Variants in DTNA observed in about 807,000 individuals in gnomAD.
The protein encoded by DTNA is dystrophin-related protein 3.
DTNA carries 43 observed loss-of-function variants against 100.7 expected under a neutral mutation model. The observed-to-expected ratio is 0.43, with a 90% CI of 0.33 to 0.55. The LOEUF (loss-of-function observed/expected upper bound fraction) is 0.55. DTNA is among the 20% of genes least tolerant of loss of function. The pLI is 0.04. For missense variants in DTNA, 798 were observed against 953.9 expected (o/e 0.84, Z 2.15); for synonymous variants, 349 against 347.9 (o/e 1.00, Z -0.04).
At chr18:34,803,304 A>G (rs1463663041) in intron 4 of DTNA, among the ~76,000 whole-genome samples, 1 of 151,612 alleles carries the variant, frequency 6.6e-6, no homozygotes, top group African/African-American at 2.4e-5. Context: ...TATTGTGTCA[A>G]TTTGGCAGAA....
At chr18:34,860,863 A>G (rs1439201006) in intron 16 of DTNA, among the ~76,000 whole-genome samples, 1 of 152,200 alleles carries the variant, frequency 6.6e-6, no homozygotes, top group Non-Finnish European at 1.5e-5. Flanking sequence ...AATTACTGTA[A>G]CAAACCTAGG....
intron 1 of DTNA, among the ~76,000 whole-genome samples, chr18:34,531,317 G>A (rs532458194): frequency 6.6e-6 from 1 of 152,124 alleles, no homozygotes; most frequent in African/African-American, 2.4e-5. Flanking sequence ...AGCTGGCTGT[G>A]TGACTTTAAG....
At chr18:34,714,628 T>C (rs1235991779) in intron 1 of DTNA, among the ~76,000 whole-genome samples, 3 of 150,298 alleles carry the variant, frequency 2.0e-5, no homozygotes, top group South Asian at 2.1e-4. Context: ...ACTTTTACAC[T>C]GTTGGTGGGA....
intron 1 of DTNA, among the ~76,000 whole-genome samples, chr18:34,716,213 T>C (rs2146736680): frequency 6.6e-6 from 1 of 152,116 alleles, no homozygotes; most frequent in East Asian, 1.9e-4. Flanking sequence ...AAAAAGAAAA[T>C]CCAAGAAATA....
chr18:34,758,459 T>C (rs1222314137), intron 2 of DTNA, among the ~76,000 whole-genome samples: 1 of 152,200 alleles, frequency 6.6e-6, no homozygotes, highest in African/African-American at 2.4e-5. Context: ...TCAACTTCCC[T>C]GGAAGAAAAG....
At chr18:34,624,166 G>A (rs917376615) in intron 1 of DTNA, among the ~76,000 whole-genome samples, 3 of 152,118 alleles carry the variant, frequency 2.0e-5, no homozygotes, top group Admixed American at 1.3e-4. Flanking sequence ...CAAGGTAGTC[G>A]GTTATGGATG....
intron 1 of DTNA, among the ~76,000 whole-genome samples, chr18:34,625,097 C>G (rs930845460): frequency 1.3e-5 from 2 of 150,992 alleles, no homozygotes; most frequent in Non-Finnish European, 2.9e-5. Flanking sequence ...TGCAGTGGCA[C>G]GATCTCGGCT....
At chr18:34,573,480 A>G (rs1418793762) in intron 1 of DTNA, among the ~76,000 whole-genome samples, 1 of 152,198 alleles carries the variant, frequency 6.6e-6, no homozygotes, top group African/African-American at 2.4e-5. Flanking sequence ...TTGTTTACAC[A>G]TGGCTACATG....
chr18:34,727,668 G>T, intron 1 of DTNA, among the ~76,000 whole-genome samples: 1 of 152,128 alleles, frequency 6.6e-6, no homozygotes, highest in East Asian at 1.9e-4. Context: ...AGGTTCAAGC[G>T]ATTCTCCTGC....
intron 17 of DTNA, among the ~76,000 whole-genome samples, chr18:34,872,728 G>A (rs2096777603): frequency 6.6e-6 from 1 of 152,214 alleles, no homozygotes. Context: ...TGGCCCAGTA[G>A]CAGGAAGCCC....
intron 1 of DTNA, among the ~76,000 whole-genome samples, chr18:34,505,469 A>G (rs1035012984): frequency 6.6e-6 from 1 of 152,176 alleles, no homozygotes; most frequent in Non-Finnish European, 1.5e-5. Flanking sequence ...TTTGGGAGCC[A>G]TTATTCAGCT....
chr18:34,637,052 C>T (rs748088535), intron 1 of DTNA, among the ~76,000 whole-genome samples: 32 of 152,096 alleles, frequency 2.1e-4, no homozygotes, highest in Non-Finnish European at 4.3e-4. Flanking sequence ...TTAATACCCT[C>T]CAAAAAGGCT....
intron 3 of DTNA, among the ~76,000 whole-genome samples, chr18:34,782,127 G>T (rs1189196308): frequency 6.6e-6 from 1 of 152,232 alleles, no homozygotes; most frequent in Non-Finnish European, 1.5e-5. Flanking sequence ...TATGTGTAAT[G>T]CTGGGCATCC....
chr18:34,522,168 T>C (rs774891386), intron 1 of DTNA, among the ~76,000 whole-genome samples: 7 of 152,196 alleles, frequency 4.6e-5, no homozygotes, highest in African/African-American at 7.2e-5. Context: ...AACTGCACTT[T>C]AATATTTATA....
At chr18:34,526,640 A>C (rs982278518) in intron 1 of DTNA, among the ~76,000 whole-genome samples, 4 of 152,120 alleles carry the variant, frequency 2.6e-5, no homozygotes, top group African/African-American at 4.8e-5. Context: ...GGAATATGTA[A>C]AATTATGATT....
chr18:34,537,209 T>G (rs2043802013), intron 1 of DTNA, among the ~76,000 whole-genome samples: 1 of 151,966 alleles, frequency 6.6e-6, no homozygotes, highest in Non-Finnish European at 1.5e-5. Flanking sequence ...AGATAAATTT[T>G]TACATCCTAC....
rs1387436747 is a variant in DTNA at position 34,890,500 on chromosome 18, G to A, written c.*2766G>A. 1.3e-6 allele frequency: 2 copies of A among 1,531,872 alleles called. No individual in the cohort carries two copies. Among genetic ancestry groups the A allele is most frequent in the East Asian group, 2.4e-5 (1 of 40,874 alleles). 94.9% of individuals were successfully genotyped at this position (1,531,872 alleles called of 1,614,324 possible). On this transcript the variant is annotated 3_prime_UTR_variant, in exon 23 of 23. Coordinates refer to ENST00000444659, the MANE Select transcript of DTNA (RefSeq NM_001386795.1). ...TTAGATACAACTACATCTTGCGGGG[G>A]TTGTTTCTTTCTTGTTCCACAATGA...
At chr18:34,512,370 A>G (rs1445055883) in intron 1 of DTNA, among the ~76,000 whole-genome samples, 2 of 152,002 alleles carry the variant, frequency 1.3e-5, no homozygotes, top group Non-Finnish European at 1.5e-5. Flanking sequence ...AGTAAATCAT[A>G]TTTCTGGCTG....
chr18:34,880,134 AAAC>A (rs1336871108), intron 20 of DTNA, among the ~76,000 whole-genome samples: 1 of 152,226 alleles, frequency 6.6e-6, no homozygotes, highest in Non-Finnish European at 1.5e-5. Flanking sequence ...GAATTGGTGT[AAAC>A]AACATCACAT....
Sources: allele counts gnomAD v4.1 joint callset (sites outside exome capture counted in the v4.1 genomes callset), GRCh38; gene constraint gnomAD v4.1.1; transcripts MANE v1.5; gene names NCBI Gene and HGNC (gene_info 2026-07-23, HGNC 2026-07-21).